ADGRL3: variants seen among roughly 807,000 people sequenced by gnomAD.
ADGRL3 encodes calcium-independent alpha-latrotoxin receptor 3.
ADGRL3 carries 62 observed loss-of-function variants against 153.5 expected under a neutral mutation model. The ratio of observed to expected loss-of-function variants is 0.40; its 90% CI spans 0.33 to 0.50. The LOEUF (loss-of-function observed/expected upper bound fraction) is 0.50. ADGRL3 is among the 20% of genes least tolerant of loss of function. The pLI, the probability that ADGRL3 is intolerant of heterozygous loss-of-function variation, is 0.47. For synonymous variants in ADGRL3, 710 were observed against 672.5 expected (o/e 1.06, Z -0.86); for missense variants, 1,641 against 1,859.4 (o/e 0.88, Z 2.16).
chr4:61,407,343 C>G (rs1242798675), intron 2 of ADGRL3, among the ~76,000 whole-genome samples: 1 of 151,992 alleles, frequency 6.6e-6, no homozygotes, highest in Non-Finnish European at 1.5e-5. Context: ...TATTAGTTTT[C>G]TTTTTTCTCA....
intron 2 of ADGRL3, among the ~76,000 whole-genome samples, chr4:61,449,633 G>A (rs186522566): frequency 1.6e-3 from 244 of 152,090 alleles, no homozygotes; most frequent in African/African-American, 5.5e-3. Flanking sequence ...TATTAACAAA[G>A]CACTGTTTCA....
chr4:62,012,858 G>A (rs1384781596), intron 21 of ADGRL3, among the ~76,000 whole-genome samples: 1 of 152,146 alleles, frequency 6.6e-6, no homozygotes, highest in African/African-American at 2.4e-5. Context: ...GAGAGACAGG[G>A]ATTTCAGCGT....
rs187991320 is a variant in ADGRL3, at chr4:61,365,088, T to C, written c.-239-18036T>C. Among the ~76,000 whole-genome samples, 18 of 152,266 alleles carry C rather than the reference T, an allele frequency of 1.2e-4. 1 individual carries two copies. The highest frequency in any genetic ancestry group is 4.3e-4 in the African/African-American group (18 of 41,558). On this transcript the variant is annotated intron_variant, in intron 1 of 26. Transcript: ENST00000683033. ...GATAAGTATTATAAGTTAATATCAT[T>C]ATGCCCAAGTCATAGAAAATGGTTA...
Position 61,534,978 on chromosome 4 carries a change from T to C in ADGRL3, c.259+17460T>C, listed in dbSNP as rs181764316. Among the ~76,000 whole-genome samples, 31 of 152,204 alleles carry C rather than the reference T, an allele frequency of 2.0e-4. No individual in the cohort carries two copies. In the East Asian group the frequency reaches 5.8e-3, roughly 28 times the overall value. On this transcript the variant is annotated intron_variant, in intron 4 of 26. Transcript: ENST00000683033. ...CTAGAATTTCCAATACTATGTTGAA[T>C]AGGAGTGCTGAGAAGTGGACATCCT...
At chr4:61,591,935 A>G (rs1466675742) in intron 5 of ADGRL3, among the ~76,000 whole-genome samples, 1 of 151,714 alleles carries the variant, frequency 6.6e-6, no homozygotes, top group African/African-American at 2.4e-5. Context: ...AGTTAGCTGT[A>G]CCTGGTGGGG....
Position 61,587,315 on chromosome 4 carries a change from A to G in ADGRL3, c.348A>G (p.Thr116=), listed in dbSNP as rs1244785810. The change falls in exon 5 of 27, where the codon ACA becomes ACG. Residue 116 remains threonine (T), a synonymous_variant. Coordinates refer to ENST00000683033, the MANE Select transcript of ADGRL3 (RefSeq NM_001387552.1). ...SYPIELRCPG[T]DVIMIESANY... ...CTATAGAGCTTCGCTGTCCAGGAACAGACGTCATCATGATAGAAAGTGCCA... is the reference window on the plus strand; with the variant it reads ...CTATAGAGCTTCGCTGTCCAGGAACGGACGTCATCATGATAGAAAGTGCCA... 6.2e-7 allele frequency: 1 copy of G among 1,612,166 alleles called. No homozygotes were observed.
intron 2 of ADGRL3, among the ~76,000 whole-genome samples, chr4:61,472,766 A>C (rs899051168): frequency 2.6e-5 from 4 of 152,042 alleles, no homozygotes; most frequent in African/African-American, 9.7e-5. Context: ...AACTTTGGAG[A>C]GATGGCCCTG....
At chr4:61,996,479 T>A in intron 20 of ADGRL3, 122 bp downstream of exon 20, 1 of 683,596 alleles carries the variant, frequency 1.5e-6, no homozygotes, top group South Asian at 1.9e-5. Flanking sequence ...TATTTGACCC[T>A]ACATAATTCA....
intron 17 of ADGRL3, among the ~76,000 whole-genome samples, chr4:61,951,282 C>T (rs1370761990): frequency 6.6e-6 from 1 of 152,106 alleles, no homozygotes; most frequent in African/African-American, 2.4e-5. Flanking sequence ...ACTTAGGATT[C>T]TCAGAATCCC....
chr4:61,749,841 C>A (rs1458164435), intron 8 of ADGRL3, among the ~76,000 whole-genome samples: 1 of 150,094 alleles, frequency 6.7e-6, no homozygotes, highest in Admixed American at 6.7e-5. Flanking sequence ...CACATGTACC[C>A]TAAAACTTAA....
At chr4:61,599,122 A>G (rs571728488) in intron 5 of ADGRL3, among the ~76,000 whole-genome samples, 1 of 152,332 alleles carries the variant, frequency 6.6e-6, no homozygotes, top group East Asian at 1.9e-4. Flanking sequence ...TCATTTTTAT[A>G]CTTAGGCTCA....
chr4:61,868,907 A>G (rs5010235), intron 9 of ADGRL3, among the ~76,000 whole-genome samples: 8,180 of 152,070 alleles, frequency 0.054, 348 homozygotes, highest in African/African-American at 0.12. Context: ...GTACTACCAC[A>G]ATGGACCCAA....
intron 6 of ADGRL3, among the ~76,000 whole-genome samples, chr4:61,699,017 C>G (rs1297201851): frequency 6.6e-6 from 1 of 152,178 alleles, no homozygotes; most frequent in East Asian, 1.9e-4. Flanking sequence ...GTAATCCTAT[C>G]AGAAATGGTA....
At chr4:61,430,989 T>C (rs2097349533) in intron 2 of ADGRL3, among the ~76,000 whole-genome samples, 1 of 152,206 alleles carries the variant, frequency 6.6e-6, no homozygotes, top group African/African-American at 2.4e-5. Context: ...GTACAAATAG[T>C]CATTGATTGT....
chr4:61,934,638 T>C (rs937990037), intron 13 of ADGRL3, among the ~76,000 whole-genome samples: 3 of 152,198 alleles, frequency 2.0e-5, no homozygotes, highest in African/African-American at 7.2e-5. Context: ...GTTTTCCTCT[T>C]GCGTTGCAAA....
chr4:61,281,762 C>T (rs2093732489), intron 1 of ADGRL3, among the ~76,000 whole-genome samples: 3 of 152,026 alleles, frequency 2.0e-5, no homozygotes, highest in Admixed American at 6.6e-5. Flanking sequence ...TCTTCTTGAG[C>T]AGTATTCTAT....
chr4:61,764,323 G>T (rs892237735), intron 8 of ADGRL3, among the ~76,000 whole-genome samples: 2 of 151,864 alleles, frequency 1.3e-5, no homozygotes, highest in Admixed American at 1.3e-4. Context: ...GAGAGTCAGC[G>T]AAGGGAGATA....
chr4:62,019,222 TAGA>T (rs1263185170), intron 21 of ADGRL3, among the ~76,000 whole-genome samples: 13 of 152,062 alleles, frequency 8.5e-5, no homozygotes, highest in African/African-American at 2.9e-4. Context: ...TAATCTAGAT[TAGA>T]AGAAGAATTA....
intron 9 of ADGRL3, among the ~76,000 whole-genome samples, chr4:61,845,742 A>G (rs1020120487): frequency 6.6e-6 from 1 of 152,076 alleles, no homozygotes; most frequent in Admixed American, 6.6e-5. Context: ...CAGTGGTATT[A>G]TTAACGCTTA....
Sources: allele counts gnomAD v4.1 joint callset (sites outside exome capture counted in the v4.1 genomes callset), GRCh38; gene constraint gnomAD v4.1.1; transcripts MANE v1.5; gene names NCBI Gene and HGNC (gene_info 2026-07-23, HGNC 2026-07-21).